The following URGCP variants were observed in gnomAD, a reference collection of about 807,000 sequenced individuals.
The protein encoded by URGCP is upregulator of cell proliferation, also known as up-regulator of cell proliferation.
In URGCP, 13 loss-of-function variants were observed where a neutral mutation model predicts 24.6. The observed-to-expected ratio is 0.53, with a 90% confidence interval of 0.34 to 0.84. The LOEUF is 0.84. Ranked by LOEUF, URGCP falls within the 40% of genes least tolerant of loss-of-function variation. URGCP has a pLI of 0.01. For synonymous variants in URGCP, 444 were observed against 487.2 expected, an observed-to-expected ratio of 0.91 and a Z score of 1.17; for missense variants, 899 against 1,194.3, an observed-to-expected ratio of 0.75 and a Z score of 3.64.
intron 1 of URGCP, among the ~76,000 whole-genome samples, chr7:43,903,763 G>A (rs1269638862): frequency 6.6e-6 from 1 of 152,154 alleles, no homozygotes; most frequent in Non-Finnish European, 1.5e-5. Context: ...ACCCCCAGAA[G>A]CCCATCCATG....
At chr7:43,907,903 A>T (rs2095905921), upstream of URGCP, among the ~76,000 whole-genome samples, 1 of 152,198 alleles carries the variant, frequency 6.6e-6, no homozygotes, top group Admixed American at 6.5e-5. Flanking sequence ...TGAGTTCAGA[A>T]GATAATTAAT....
chr7:43,917,731 G>A (rs978332139), intron 1 of URGCP, among the ~76,000 whole-genome samples: 8 of 152,134 alleles, frequency 5.3e-5, no homozygotes, highest in African/African-American at 1.9e-4. Flanking sequence ...GGTAATAAAG[G>A]ATTTAAAAGG....
chr7:43,897,111 G>A (rs1000892789), intron 1 of URGCP, among the ~76,000 whole-genome samples: 2 of 152,134 alleles, frequency 1.3e-5, no homozygotes, highest in African/African-American at 4.8e-5. Context: ...GCTGAGGTGG[G>A]AGGATCACTT....
At chr7:43,895,597 C>T (rs149878437) in intron 1 of URGCP, among the ~76,000 whole-genome samples, 2,580 of 152,270 alleles carry the variant, frequency 0.017, 72 homozygotes, top group African/African-American at 0.058. Flanking sequence ...ATCACTTGAA[C>T]CCAGGAGGCA....
At chr7:43,899,871 AC>A (rs1424143174) in intron 1 of URGCP, among the ~76,000 whole-genome samples, 8 of 152,232 alleles carry the variant, frequency 5.3e-5, no homozygotes, top group Non-Finnish European at 1.0e-4. Flanking sequence ...GTGGTGGCTC[AC>A]GCCTATAATC....
At chr7:43,919,086 A>T in intron 1 of URGCP, 2 of 923,160 alleles carry the variant, frequency 2.2e-6, no homozygotes, top group South Asian at 2.6e-5. Flanking sequence ...TGGTAGTGAC[A>T]ATCTAGATGG....
chr7:43,910,948 A>C (rs1213955549), upstream of URGCP: 1 of 152,232 alleles, frequency 6.6e-6, no homozygotes, highest in Non-Finnish European at 1.5e-5. Context: ...GCACCAAACA[A>C]AAGATCCCCA....
In URGCP at chr7:43,878,590, G is replaced by A; in HGVS notation, c.873C>T (p.Asp291=). ...AVLSPGHRQW[D]CFWHRDLNLG... is the part of the protein sequence containing the mutation. ...AGTTGAGGTCCCGATGCCAGAAGCA[G>A]TCCCACTGCCTGTGGCCCGGGCTGA... is the stretch of plus-strand genomic sequence containing the variant. The change falls in exon 6 of 6, where the codon GAC becomes GAT. Residue 291 remains aspartate (D), a synonymous_variant. Coordinates refer to ENST00000453200, the MANE Select transcript of URGCP (RefSeq NM_001077663.3). The surrounding 1 kb of genome is among the most constrained non-coding windows in gnomAD (Gnocchi z 5.6). 6.2e-7 allele frequency: 1 copy of A among 1,614,152 alleles called. No homozygotes were observed. Among genetic ancestry groups the A allele is most frequent in the Non-Finnish European group, 8.5e-7 (1 of 1,180,042 alleles).
chr7:43,888,958 A>G (rs2095866272), intron 1 of URGCP: 1 of 152,220 alleles, frequency 6.6e-6, no homozygotes, highest in African/African-American at 2.4e-5. Context: ...CTTATTTCAG[A>G]AAGTAAGGAA....
intron 3 of URGCP, among the ~76,000 whole-genome samples, chr7:43,886,521 G>A (rs933502832): frequency 6.6e-6 from 1 of 152,224 alleles, no homozygotes; most frequent in South Asian, 2.1e-4. Context: ...GGGAGGCTGA[G>A]GCGGGTGGAT....
In URGCP at chr7:43,881,646, A is replaced by G; in HGVS notation, c.202+13T>C. The G allele has an allele frequency of 6.2e-7, 1 of 1,614,136 alleles. No homozygotes were observed. Among genetic ancestry groups the G allele is most frequent in the Non-Finnish European group, 8.5e-7 (1 of 1,180,032 alleles). On this transcript the variant is annotated intron_variant, in intron 5 of 5. Coordinates refer to ENST00000453200, the MANE Select transcript of URGCP (RefSeq NM_001077663.3). ...TTCATAGAACAGAGAGAAAAGGCAG[A>G]GAAAATGCTTACCTGTTGGAAAATC...
chr7:43,916,723 C>A (rs1034027174), intron 1 of URGCP, among the ~76,000 whole-genome samples: 12 of 134,466 alleles, frequency 8.9e-5, no homozygotes, highest in Non-Finnish European at 1.3e-4. Context: ...CCCCCCCCCC[C>A]ACATAACATG....
At chr7:43,918,725 G>T in intron 1 of URGCP, 1 of 735,110 alleles carries the variant, frequency 1.4e-6, no homozygotes, top group Non-Finnish European at 2.4e-6. Context: ...ACCCACAATT[G>T]GGCCAGTGCA....
chr7:43,907,587 A>G (rs1168257030), upstream of URGCP, among the ~76,000 whole-genome samples: 1 of 152,170 alleles, frequency 6.6e-6, no homozygotes, highest in Non-Finnish European at 1.5e-5. Context: ...AGCAGTGATT[A>G]AAACCTTAGC....
chr7:43,914,856 GC>G (rs140714679), intron 1 of URGCP, among the ~76,000 whole-genome samples: 2,402 of 152,320 alleles, frequency 0.016, 46 homozygotes, highest in Middle Eastern at 0.13. Context: ...ATAGGAGACA[GC>G]CATATGCCGC....
At chr7:43,902,003 AAGGAACAGT>A (rs2132705114) in intron 1 of URGCP, among the ~76,000 whole-genome samples, 1 of 152,182 alleles carries the variant, frequency 6.6e-6, no homozygotes, top group Non-Finnish European at 1.5e-5. Context: ...TGAATGTTTA[AAGGAACAGT>A]GGGCTGGGGA....
At chr7:43,918,651 C>T (rs1332587942) in intron 1 of URGCP, 5 of 608,618 alleles carry the variant, frequency 8.2e-6, no homozygotes, top group Non-Finnish European at 1.5e-5. Flanking sequence ...TGGCACGCGG[C>T]AGCGTTGCGG....
chr7:43,885,337 G>C (rs780197761), intron 3 of URGCP, among the ~76,000 whole-genome samples: 1 of 152,150 alleles, frequency 6.6e-6, no homozygotes, highest in South Asian at 2.1e-4. Flanking sequence ...CTGGCCTCAA[G>C]TGATCTGCCT....
rs74656519 is a variant in URGCP, at chr7:43,878,942, A to G, written c.521T>C (p.Leu174Pro). 1.2e-6 allele frequency: 2 copies of G among 1,614,234 alleles called. No homozygotes were observed. Among genetic ancestry groups the G allele is most frequent in the African/African-American group, 2.7e-5 (2 of 75,054 alleles). Residue 174 changes from leucine to proline, a missense_variant, in exon 6 of 6, where the codon CTG becomes CCG. Transcript: ENST00000453200. The surrounding 1 kb of genome is among the most constrained non-coding windows in gnomAD (Gnocchi z 5.6). Reference sequence around the variant, plus strand: ...GTTCACTGGCGTATCAGGGGTGGGCAGCTCAGAAAAGGAATAAATGTCGGC... The same window carrying G: ...GTTCACTGGCGTATCAGGGGTGGGCGGCTCAGAAAAGGAATAAATGTCGGC... ...LAADIYSFSE[L>P]PTPDTPVNPL...
Sources: allele counts gnomAD v4.1 joint callset (sites outside exome capture counted in the v4.1 genomes callset), GRCh38; gene constraint gnomAD v4.1.1; non-coding constraint Gnocchi (gnomAD v3.1); transcripts MANE v1.5; gene names NCBI Gene and HGNC (gene_info 2026-07-23, HGNC 2026-07-21).